Variants in ABCC12 observed in about 807,000 individuals in gnomAD.
The protein encoded by ABCC12 is ATP-binding cassette sub-family C member 12.
In ABCC12, 142 loss-of-function variants were observed where a neutral mutation model predicts 151.1. The observed-to-expected ratio is 0.94, with a 90% CI of 0.82 to 1.08. ABCC12 has a LOEUF of 1.08. Among genes scored for constraint, ABCC12 ranks in the 50% least tolerant of loss-of-function variants. The pLI is 0.00. For synonymous variants in ABCC12, 645 were observed against 646.4 expected (o/e 1.00, Z 0.03); for missense variants, 1,638 against 1,691.1 (o/e 0.97, Z 0.55).
At chr16:48,100,537 A>G (rs1413277432) in intron 23 of ABCC12, among the ~76,000 whole-genome samples, 1 of 152,182 alleles carries the variant, frequency 6.6e-6, no homozygotes, top group Admixed American at 6.5e-5. Flanking sequence ...AAAAATTAAT[A>G]GGTTTGGGTT....
At chr16:48,121,613 T>TAAAAAA in intron 13 of ABCC12, 103 bp downstream of exon 13, 2 of 1,429,896 alleles carry the variant, frequency 1.4e-6, no homozygotes, top group Admixed American at 4.0e-5. Flanking sequence ...CAGAATTCAT[T>TAAAAAA]AAACTCAGAA....
At chr16:48,143,435 C>T (rs1964888702) in intron 4 of ABCC12, among the ~76,000 whole-genome samples, 1 of 152,192 alleles carries the variant, frequency 6.6e-6, no homozygotes, top group Admixed American at 6.5e-5. Flanking sequence ...TGTCATTTTC[C>T]ATGTTGGGGA....
At position 48,128,706 on chromosome 16, in the gene ABCC12, T is replaced by C; in HGVS notation, c.1268A>G (p.Tyr423Cys). ...ATCTGGGTCTTCTGGTTGGGTGATG[T>C]AAGATGGGGGGCTTTTATCTATGAG... ...KILIDKSPPS[Y>C]ITQPEDPDTV... Residue 423 changes from tyrosine to cysteine, a missense_variant, in exon 11 of 31, where the codon TAC becomes TGC. Tyr to Cys is a radical substitution (Grantham distance 194, BLOSUM62 -2). Coordinates refer to ENST00000311303, the MANE Select transcript of ABCC12 (RefSeq NM_001393797.1). The C allele has an allele frequency of 6.2e-7, 1 of 1,613,908 alleles. No homozygotes were observed. Among genetic ancestry groups the C allele is most frequent in the Non-Finnish European group, 8.5e-7 (1 of 1,179,958 alleles).
chr16:48,129,627 T>C (rs144364931), intron 10 of ABCC12, among the ~76,000 whole-genome samples: 42 of 152,242 alleles, frequency 2.8e-4, no homozygotes, highest in African/African-American at 1.0e-3. Flanking sequence ...AGAATAAGTA[T>C]TGGTAATCAT....
intron 21 of ABCC12, 100 bp from the exon 22 acceptor site, chr16:48,104,468 T>C (rs1963417707): frequency 1.9e-6 from 2 of 1,058,526 alleles, no homozygotes; most frequent in East Asian, 4.8e-5. Context: ...GCCTGACCTT[T>C]TTTCCAGGGC....
intron 20 of ABCC12, among the ~76,000 whole-genome samples, chr16:48,106,232 C>A (rs1240878815): frequency 6.6e-6 from 1 of 152,174 alleles, no homozygotes; most frequent in African/African-American, 2.4e-5. Context: ...GGATAGAAGG[C>A]CCAGCCTGAA....
intron 11 of ABCC12, 117 bp downstream of exon 11, chr16:48,128,342 A>C: frequency 1.1e-5 from 16 of 1,437,640 alleles, no homozygotes; most frequent in Non-Finnish European, 1.5e-5. Context: ...GACTCTGGTT[A>C]GAGACATCCC....
chr16:48,097,722 C>T (rs996530922), intron 23 of ABCC12, among the ~76,000 whole-genome samples: 6 of 152,130 alleles, frequency 3.9e-5, no homozygotes, highest in South Asian at 2.1e-4. Flanking sequence ...CTTGATGTGA[C>T]GGTCCCTGGC....
At chr16:48,122,446 A>G (rs1964103691) in intron 12 of ABCC12, among the ~76,000 whole-genome samples, 1 of 152,238 alleles carries the variant, frequency 6.6e-6, no homozygotes, top group African/African-American at 2.4e-5. Context: ...AAAACTATGC[A>G]TGGGCTCCAG....
Position 48,091,192 on chromosome 16 carries a change from T to C in ABCC12, c.3213A>G (p.Gln1071=), listed in dbSNP as rs1962874275. The change falls in exon 25 of 31, where the codon CAA becomes CAG. Residue 1071 remains glutamine (Q), a synonymous_variant. Transcript: ENST00000311303. The stretch of plus-strand genomic sequence containing the variant: ...TCTCTGTTCCCGTTCGCACACACAC[T>C]TGGAGCAGTCCGCTCAGCTGTTGAA... ...SYIIQLSGLL[Q]VCVRTGTETQ... The C allele has an allele frequency of 3.1e-6, 5 of 1,614,050 alleles. No individual in the cohort carries two copies. The highest frequency in any genetic ancestry group is 1.1e-5 in the South Asian group (1 of 91,086).
At chr16:48,124,019 G>T (rs1964156051) in intron 12 of ABCC12, among the ~76,000 whole-genome samples, 194 bp downstream of exon 12, 1 of 152,250 alleles carries the variant, frequency 6.6e-6, no homozygotes, top group Non-Finnish European at 1.5e-5. Flanking sequence ...TCAAGAGTTT[G>T]TGAAAAACTC....
intron 2 of ABCC12, among the ~76,000 whole-genome samples, chr16:48,152,720 G>A (rs911798352): frequency 2.6e-5 from 4 of 152,134 alleles, no homozygotes; most frequent in African/African-American, 9.7e-5. Flanking sequence ...TTCTCAAGAC[G>A]GCCCGCATGC....
intron 11 of ABCC12, among the ~76,000 whole-genome samples, chr16:48,124,521 C>T (rs190849409): frequency 1.3e-5 from 2 of 152,330 alleles, no homozygotes; most frequent in East Asian, 3.9e-4. Flanking sequence ...AGCCAAGCAC[C>T]CACAGGGCTT....
chr16:48,153,515 A>G (rs1032873323), intron 2 of ABCC12, 101 bp downstream of exon 2: 2 of 151,922 alleles, frequency 1.3e-5, no homozygotes, highest in Non-Finnish European at 2.9e-5. Flanking sequence ...ATTTCCGACA[A>G]CTCACTCCCA....
At chr16:48,099,911 A>T (rs1963243300) in intron 23 of ABCC12, among the ~76,000 whole-genome samples, 1 of 151,998 alleles carries the variant, frequency 6.6e-6, no homozygotes, top group African/African-American at 2.4e-5. Flanking sequence ...GATCTCCCTA[A>T]GATTTGGGCT....
At chr16:48,105,703 G>T (rs1963469843) in intron 20 of ABCC12, among the ~76,000 whole-genome samples, 1 of 152,220 alleles carries the variant, frequency 6.6e-6, no homozygotes, top group African/African-American at 2.4e-5. Flanking sequence ...AATTCCACCA[G>T]GCTGGAGGAG....
chr16:48,149,131 A>G (rs184778755), intron 2 of ABCC12, among the ~76,000 whole-genome samples: 2 of 152,180 alleles, frequency 1.3e-5, no homozygotes, highest in Non-Finnish European at 1.5e-5. Context: ...AAAATAACAA[A>G]TAAAGTATAA....
intron 19 of ABCC12, 80 bp from the exon 20 acceptor site, chr16:48,107,505 T>A: frequency 8.0e-7 from 1 of 1,246,802 alleles, no homozygotes; most frequent in Non-Finnish European, 1.2e-6. Flanking sequence ...GACCCAACCC[T>A]GATGGGAAAT....
At chr16:48,128,210 G>T (rs2150649946) in intron 11 of ABCC12, among the ~76,000 whole-genome samples, 1 of 152,304 alleles carries the variant, frequency 6.6e-6, no homozygotes, top group Non-Finnish European at 1.5e-5. Context: ...ATTCAAAACT[G>T]CAACTGACTC....
Sources: gnomAD v4.1 joint callset for allele counts (sites outside exome capture counted in the v4.1 genomes callset) on GRCh38, gnomAD v4.1.1 for gene constraint, MANE v1.5 for transcripts, NCBI Gene and HGNC (gene_info 2026-07-23, HGNC 2026-07-21) for gene names.